ZFTRAF1: variants seen among roughly 807,000 people sequenced by gnomAD.
ZFTRAF1 encodes zinc finger TRAF-type and ring finger containing 1.
At chr8:144,450,583 T>G in the ZFTRAF1 span, 1 of 718,078 alleles carries the variant, frequency 1.4e-6, no homozygotes, top group East Asian at 2.7e-5. Flanking sequence ...ACTCCAGCGG[T>G]GCCGTGACCT....
At chr8:144,453,277 G>A in the ZFTRAF1 span, 27 of 1,550,892 alleles carry the variant, frequency 1.7e-5, no homozygotes, top group South Asian at 2.1e-4. Flanking sequence ...GGAAACTGGC[G>A]CAGGCAGAAG....
At chr8:144,457,390 G>A in the ZFTRAF1 span, 2 of 152,174 alleles carry the variant, frequency 1.3e-5, no homozygotes, top group Non-Finnish European at 2.9e-5. Flanking sequence ...CTGATGAGGT[G>A]GGATGGGACA....
At chr8:144,457,307 T>C in the ZFTRAF1 span, 1 of 152,190 alleles carries the variant, frequency 6.6e-6, no homozygotes, top group African/African-American at 2.4e-5. Context: ...TAATATGACC[T>C]TGGGCTCCCC....
At chr8:144,452,082 A>T in the ZFTRAF1 span, 1 of 496,240 alleles carries the variant, frequency 2.0e-6, no homozygotes, top group East Asian at 3.8e-5. Context: ...GCCACCTTGC[A>T]GGGATGGTGA....
the ZFTRAF1 span, chr8:144,449,824 G>A: frequency 6.1e-6 from 1 of 163,718 alleles, no homozygotes; most frequent in East Asian, 1.7e-4. Flanking sequence ...CGGGGGACGT[G>A]TGCGGGCACA....
At chr8:144,457,126 T>C in the ZFTRAF1 span, 2 of 149,868 alleles carry the variant, frequency 1.3e-5, no homozygotes, top group Admixed American at 6.6e-5. Context: ...GATGACATCA[T>C]GTGGTGACAG....
chr8:144,453,264 C>T, the ZFTRAF1 span: 3 of 1,550,996 alleles, frequency 1.9e-6, no homozygotes, highest in Non-Finnish European at 2.6e-6. Flanking sequence ...CAGGAGGGAG[C>T]GGGGAAACTG....
chr8:144,462,686 G>C, the ZFTRAF1 span: 1 of 143,956 alleles, frequency 6.9e-6, no homozygotes. Context: ...GCGGATGCCG[G>C]CGCGCTCCCC....
At chr8:144,461,278 C>T in the ZFTRAF1 span, among the ~76,000 whole-genome samples, 1 of 152,250 alleles carries the variant, frequency 6.6e-6, no homozygotes, top group African/African-American at 2.4e-5. Context: ...CTACTTCCAG[C>T]TCCTGTAAGT....
chr8:144,459,990 C>G, the ZFTRAF1 span, among the ~76,000 whole-genome samples: 1 of 152,216 alleles, frequency 6.6e-6, no homozygotes, highest in Non-Finnish European at 1.5e-5. Flanking sequence ...ATGGGCCCAA[C>G]CAGGGACACG....
the ZFTRAF1 span, among the ~76,000 whole-genome samples, chr8:144,458,279 C>T: frequency 6.6e-6 from 1 of 152,252 alleles, no homozygotes; most frequent in Non-Finnish European, 1.5e-5. Context: ...ACATTCAGAA[C>T]AAGGCTGCTT....
chr8:144,449,612 G>A, the ZFTRAF1 span: 1 of 152,288 alleles, frequency 6.6e-6, no homozygotes, highest in Non-Finnish European at 1.5e-5. Flanking sequence ...CCTGCAAGGA[G>A]TTTAATCTTT....
At chr8:144,453,230 G>A in the ZFTRAF1 span, 2,385 of 1,550,734 alleles carry the variant, frequency 1.5e-3, 35 homozygotes, top group African/African-American at 0.029. Context: ...ACCTGTCCTG[G>A]CATTCCTCTT....
chr8:144,450,351 G>C, the ZFTRAF1 span: 1 of 704,836 alleles, frequency 1.4e-6, no homozygotes, highest in Non-Finnish European at 2.7e-6. Context: ...GCCGCCCGTG[G>C]GCTCCTCGGA....
the ZFTRAF1 span, chr8:144,456,667 G>A: frequency 6.6e-6 from 1 of 151,870 alleles, no homozygotes; most frequent in Non-Finnish European, 1.5e-5. Context: ...AGAGGATGAT[G>A]TCAGAGGGGT....
chr8:144,450,825 G>C, the ZFTRAF1 span: 1 of 644,866 alleles, frequency 1.6e-6, no homozygotes, highest in South Asian at 1.7e-5. Flanking sequence ...GCAGGGCTGG[G>C]CAGCAACGCC....
the ZFTRAF1 span, among the ~76,000 whole-genome samples, chr8:144,460,578 C>T: frequency 1.3e-5 from 2 of 152,354 alleles, no homozygotes; most frequent in Non-Finnish European, 2.9e-5. Flanking sequence ...TGGAGTCTCC[C>T]TCGAGATCCA....
At chr8:144,458,532 C>G in the ZFTRAF1 span, among the ~76,000 whole-genome samples, 1 of 152,190 alleles carries the variant, frequency 6.6e-6, no homozygotes, top group African/African-American at 2.4e-5. Context: ...ACTCCACCCC[C>G]CCAGGACTGC....
chr8:144,462,041 G>A, the ZFTRAF1 span, among the ~76,000 whole-genome samples: 2 of 152,184 alleles, frequency 1.3e-5, no homozygotes, highest in African/African-American at 4.8e-5. Flanking sequence ...GAAGTACCGT[G>A]GATCAGAAAA....
Sources: gnomAD v4.1 joint callset for allele counts (sites outside exome capture counted in the v4.1 genomes callset) on GRCh38, gnomAD v4.1.1 for gene constraint, MANE v1.5 for transcripts, NCBI Gene and HGNC (gene_info 2026-07-23, HGNC 2026-07-21) for gene names.